The following PHACTR4 variants were observed in gnomAD, a reference collection of about 807,000 sequenced individuals.
PHACTR4 encodes phosphatase and actin regulator 4, also known as protein phosphatase 1, regulatory subunit 124.
Under a neutral mutation model 72.7 loss-of-function variants are expected in PHACTR4, and 51 were observed. The ratio of observed to expected loss-of-function variants is 0.70; its 90% CI spans 0.56 to 0.89. The LOEUF (loss-of-function observed/expected upper bound fraction) is 0.89, where lower values mean the gene tolerates loss of function less well. Among genes scored for constraint, PHACTR4 ranks in the 40% least tolerant of loss-of-function variants. The probability of loss-of-function intolerance (pLI) is 0.00; values close to 1 mark genes in which losing one functional copy is unlikely to be tolerated. For missense variants in PHACTR4, 731 were observed against 861.8 expected (o/e 0.85, Z 1.90); for synonymous variants, 255 against 302.5 (o/e 0.84, Z 1.63).
chr1:28,485,038 A>G lies in PHACTR4; in HGVS notation c.1761-4132A>G, dbSNP rs75513771. Among the ~76,000 whole-genome samples, 907 of 152,290 alleles carry G rather than the reference A, an allele frequency of 6.0e-3. 8 individuals are homozygous for G. Among genetic ancestry groups the G allele is most frequent in the African/African-American group, 0.021 (853 of 41,562 alleles). ...TCTTAAAAAAGAAGGAAATCCTCCA[A>G]TATGCTAACAACATAGTCAAACCTT... On this transcript the variant is annotated intron_variant, in intron 9 of 13. Transcript: ENST00000373839.
In PHACTR4 at chr1:28,476,880, C is replaced by T. The variant is rs558939443; in HGVS notation, c.1606+589C>T. On this transcript the variant is annotated intron_variant, in intron 8 of 13. Coordinates refer to ENST00000373839, the MANE Select transcript of PHACTR4 (RefSeq NM_001048183.3). The stretch of plus-strand genomic sequence containing the variant: ...CCACCTCCCAGGTTCAAGCAATTCT[C>T]CTGTCTCAGCCTCCCAAGTAGCTGG... 8.7e-5 allele frequency among the ~76,000 whole-genome samples: 13 copies of T among 149,174 alleles called. No homozygotes were observed. The South Asian group carries it at 1.5e-3, about 17-fold the overall frequency.
Position 28,481,034 on chromosome 1 carries a change from G to T in PHACTR4, c.1760+430G>T, listed in dbSNP as rs547233700. On this transcript the variant is annotated intron_variant, in intron 9 of 13. Transcript: ENST00000373839. ...AGTATTCATTTATCTTTTTTAGTGT[G>T]ATTTTTTTTTCTTTTCAGACAGAGT... Among the ~76,000 whole-genome samples, 27 of 134,934 alleles carry T rather than the reference G, an allele frequency of 2.0e-4. 1 individual carries two copies. In the South Asian group the frequency reaches 6.2e-3, roughly 31 times the overall value. The allele number at this position is 134,934 out of a possible 152,430, so 88.5% of individuals were successfully genotyped here. A position where few individuals can be genotyped will look rare whatever the true frequency, so the allele number is the denominator to read the frequency against.
rs35369238 is a variant in PHACTR4, at chr1:28,476,772, C to CTT, written c.1606+495_1606+496dup. Among the ~76,000 whole-genome samples, 19 of 98,430 alleles carry CTT rather than the reference C, an allele frequency of 1.9e-4. 1 individual carries two copies. The highest frequency in any genetic ancestry group is 8.0e-4 in the Admixed American group (8 of 10,014). The allele number at this position is 98,430 out of a possible 152,430, so 64.6% of individuals were successfully genotyped here. On this transcript the variant is annotated intron_variant, in intron 8 of 13. Transcript: ENST00000373839. The stretch of plus-strand genomic sequence containing the variant: ...GTCTCGTTAGGTTGCCTAGCCTGTT[C>CTT]TTTTTTTTTTTTTTTGAGACGGAGT...
chr1:28,455,062 GTTTCCTCATGT>G (rs992381229), intron 2 of PHACTR4, among the ~76,000 whole-genome samples: 4 of 151,738 alleles, frequency 2.6e-5, no homozygotes, highest in Non-Finnish European at 5.9e-5. Context: ...TAGAGACAGG[GTTTCCTCATGT>G]TGGCCAGGCT....
At chr1:28,474,235 G>A in intron 7 of PHACTR4, 84 bp downstream of exon 7, 1 of 1,324,856 alleles carries the variant, frequency 7.5e-7, no homozygotes, top group South Asian at 1.4e-5. Context: ...AAAAGAAAAT[G>A]TGGGCCGGGC....
intron 1 of PHACTR4, among the ~76,000 whole-genome samples, chr1:28,405,366 G>A (rs1325486322): frequency 6.6e-6 from 1 of 151,730 alleles, no homozygotes; most frequent in African/African-American, 2.4e-5. Context: ...TTACTCTGTT[G>A]CCCAGGCTAG....
At chr1:28,426,704 C>T (rs993728694) in intron 2 of PHACTR4, among the ~76,000 whole-genome samples, 6 of 149,328 alleles carry the variant, frequency 4.0e-5, no homozygotes, top group Non-Finnish European at 7.4e-5. Flanking sequence ...TTGAGATACT[C>T]TGTTATTACT....
chr1:28,454,500 G>A (rs1194452465), intron 2 of PHACTR4, among the ~76,000 whole-genome samples: 2 of 151,748 alleles, frequency 1.3e-5, no homozygotes, highest in Non-Finnish European at 2.9e-5. Context: ...TCCTGACCTC[G>A]TGATCCGCCC....
chr1:28,413,156 G>A (rs551793890), intron 2 of PHACTR4, among the ~76,000 whole-genome samples: 2 of 152,310 alleles, frequency 1.3e-5, no homozygotes, highest in South Asian at 4.1e-4. Context: ...TTTGTGGAGC[G>A]AAATGAGTCT....
At position 28,486,216 on chromosome 1, in the gene PHACTR4, C is replaced by T. The variant is rs527649312; in HGVS notation, c.1761-2954C>T. ...TACTAAAAATACAAAATTAGCTGGG[C>T]GTGGTAGCACATGCCTGTAATCCCA... On this transcript the variant is annotated intron_variant, in intron 9 of 13. Transcript: ENST00000373839. 2.7e-5 allele frequency among the ~76,000 whole-genome samples: 4 copies of T among 150,454 alleles called. No homozygotes were observed. The South Asian group carries it at 6.3e-4, about 24-fold the overall frequency.
intron 2 of PHACTR4, chr1:28,432,993 T>C: frequency 2.4e-6 from 2 of 820,424 alleles, no homozygotes; most frequent in Non-Finnish European, 2.9e-6. Context: ...CAACCCCCGC[T>C]TGGCCTCCCA....
chr1:28,438,623 A>G (rs999427577), intron 2 of PHACTR4, among the ~76,000 whole-genome samples: 7 of 152,242 alleles, frequency 4.6e-5, no homozygotes, highest in African/African-American at 1.7e-4. Flanking sequence ...GTTTTTTAAA[A>G]CTTAAAAACT....
chr1:28,453,865 C>G, intron 2 of PHACTR4: 1 of 870,682 alleles, frequency 1.1e-6, no homozygotes, highest in Admixed American at 1.8e-5. Flanking sequence ...ATAAAAGTTG[C>G]TACTGGATCA....
In PHACTR4 at chr1:28,473,760, TC is replaced by T. The variant is rs776036043; in HGVS notation, c.1037del (p.Pro346HisfsTer33). 6.2e-7 allele frequency: 1 copy of T among 1,613,148 alleles called. No individual in the cohort carries two copies. The highest frequency in any genetic ancestry group is 8.5e-7 in the Non-Finnish European group (1 of 1,179,748). On this transcript the variant is annotated frameshift_variant, in exon 7 of 14. Coordinates refer to ENST00000373839, the MANE Select transcript of PHACTR4 (RefSeq NM_001048183.3). LOFTEE classifies it high-confidence loss of function. ...ACCAATGATCTCACCTCGCTCTCCG[TC>T]CCCCCCACTGCCTACTCATATACCT... Reference protein sequence around the residue: ...LLPMISPRSPSPPLPTHIPPE... With the variant: ...LLPMISPRSPXPPLPTHIPPE...
At chr1:28,448,504 G>C (rs1267528636) in intron 2 of PHACTR4, among the ~76,000 whole-genome samples, 1 of 150,750 alleles carries the variant, frequency 6.6e-6, no homozygotes, top group East Asian at 1.9e-4. Flanking sequence ...TGTAATCCCA[G>C]CACTGTGGGA....
intron 1 of PHACTR4, among the ~76,000 whole-genome samples, chr1:28,405,989 A>G (rs1450410149): frequency 1.3e-5 from 2 of 152,178 alleles, no homozygotes; most frequent in Admixed American, 1.3e-4. Context: ...ATTTCACTTT[A>G]TGCCTCAATT....
At chr1:28,396,990 G>A (rs1653566943) in intron 1 of PHACTR4, among the ~76,000 whole-genome samples, 1 of 151,850 alleles carries the variant, frequency 6.6e-6, no homozygotes, top group Non-Finnish European at 1.5e-5. Context: ...ACCGTGCCTG[G>A]CCGTGATATG....
chr1:28,421,115 G>A (rs931895927), intron 2 of PHACTR4, among the ~76,000 whole-genome samples: 1 of 152,152 alleles, frequency 6.6e-6, no homozygotes, highest in Admixed American at 6.6e-5. Context: ...TCAAAACAAC[G>A]TCACTGGCTG....
At chr1:28,400,737 G>A (rs1426200422) in intron 1 of PHACTR4, among the ~76,000 whole-genome samples, 1 of 151,994 alleles carries the variant, frequency 6.6e-6, no homozygotes, top group Non-Finnish European at 1.5e-5. Context: ...GCGCCACCAC[G>A]CCCTGCTAAT....
Sources: allele counts gnomAD v4.1 joint callset (sites outside exome capture counted in the v4.1 genomes callset), GRCh38; gene constraint gnomAD v4.1.1; transcripts MANE v1.5; gene names NCBI Gene and HGNC (gene_info 2026-07-23, HGNC 2026-07-21).